Variants in THRB observed in about 807,000 individuals in gnomAD.
The protein encoded by THRB is thyroid hormone receptor beta.
THRB carries 12 observed loss-of-function variants against 47.8 expected under a neutral mutation model. That is an observed-to-expected ratio of 0.25 (90% CI 0.16 to 0.41). The LOEUF (loss-of-function observed/expected upper bound fraction) is 0.41. THRB is among the 10% of genes least tolerant of loss of function. The pLI is 1.00. For synonymous variants in THRB, 218 were observed against 212.2 expected (o/e 1.03, Z -0.24); for missense variants, 348 against 589.2 (o/e 0.59, Z 4.24).
chr3:24,398,714 C>A (rs2067164349), intron 1 of THRB, among the ~76,000 whole-genome samples: 1 of 152,092 alleles, frequency 6.6e-6, no homozygotes, highest in African/African-American at 2.4e-5. Context: ...TTGACCCAGC[C>A]ATCCCATTAC....
chr3:24,219,350 G>A (rs1245826861), intron 4 of THRB, among the ~76,000 whole-genome samples: 1 of 152,196 alleles, frequency 6.6e-6, no homozygotes, highest in African/African-American at 2.4e-5. Flanking sequence ...CAAATCATTT[G>A]TGGGACAGAG....
intron 1 of THRB, among the ~76,000 whole-genome samples, chr3:24,391,527 A>G (rs1460785488): frequency 6.6e-6 from 1 of 152,168 alleles, no homozygotes; most frequent in East Asian, 1.9e-4. Context: ...ATTGTTCAAA[A>G]TATTTTATTT....
chr3:24,335,725 G>C (rs911732935), intron 2 of THRB, among the ~76,000 whole-genome samples: 2 of 152,046 alleles, frequency 1.3e-5, no homozygotes, highest in Non-Finnish European at 1.5e-5. Context: ...TCCTTTTCTA[G>C]AACTACATAA....
At chr3:24,136,635 A>G (rs925635318) in intron 8 of THRB, among the ~76,000 whole-genome samples, 4 of 152,234 alleles carry the variant, frequency 2.6e-5, no homozygotes, top group Non-Finnish European at 4.4e-5. Context: ...ATATACACAT[A>G]TGTATTTATG....
rs1468809871 is a variant in THRB, at chr3:24,133,477, AAAG to A, written c.739-18_739-16del. 5 of 1,613,364 alleles carry A rather than the reference AAAG, an allele frequency of 3.1e-6. No homozygotes were observed. The highest frequency in any genetic ancestry group is 1.6e-4 in the Middle Eastern group (1 of 6,082). On this transcript the variant is annotated splice_polypyrimidine_tract_variant and intron_variant, in intron 8 of 10. Transcript: ENST00000646209. ...ATGTCTTCTGGCTAAGGAGGAGAAA[AAAG>A]AAAGATTTAAATGAAGAAGTTGAAG...
chr3:24,143,217 G>A (rs2035664915), intron 8 of THRB, among the ~76,000 whole-genome samples: 1 of 152,208 alleles, frequency 6.6e-6, no homozygotes, highest in South Asian at 2.1e-4. Flanking sequence ...TAGTTGGTCT[G>A]GGAGTGGTCT....
chr3:24,328,603 T>C (rs1425674338), intron 2 of THRB, among the ~76,000 whole-genome samples: 1 of 152,174 alleles, frequency 6.6e-6, no homozygotes. Flanking sequence ...CCACATTCTA[T>C]CAATCCCCAT....
At chr3:24,265,419 A>T (rs1473486300) in intron 3 of THRB, among the ~76,000 whole-genome samples, 1 of 152,208 alleles carries the variant, frequency 6.6e-6, no homozygotes, top group Non-Finnish European at 1.5e-5. Flanking sequence ...TTGATCAGAA[A>T]TCACATGATT....
At chr3:24,227,949 G>C (rs989821155) in intron 4 of THRB, among the ~76,000 whole-genome samples, 1 of 152,118 alleles carries the variant, frequency 6.6e-6, no homozygotes, top group Non-Finnish European at 1.5e-5. Context: ...GACATATTTC[G>C]ACTGAGCCAT....
chr3:24,176,922 CAG>C (rs1274548294), intron 5 of THRB, among the ~76,000 whole-genome samples: 3 of 152,218 alleles, frequency 2.0e-5, no homozygotes, highest in African/African-American at 7.2e-5. Context: ...ACACTTAAAA[CAG>C]GGGAATTTGA....
chr3:24,197,685 G>C (rs971461214), intron 4 of THRB, among the ~76,000 whole-genome samples: 1 of 152,144 alleles, frequency 6.6e-6, no homozygotes, highest in Non-Finnish European at 1.5e-5. Context: ...AGCACATACA[G>C]GTTTTTATTC....
intron 1 of THRB, among the ~76,000 whole-genome samples, chr3:24,465,461 G>A (rs899231083): frequency 1.3e-5 from 2 of 152,076 alleles, no homozygotes; most frequent in Non-Finnish European, 2.9e-5. Context: ...AGAGTGCAGT[G>A]GCATTATCTC....
intron 2 of THRB, among the ~76,000 whole-genome samples, chr3:24,332,194 C>T (rs960982379): frequency 7.9e-5 from 12 of 152,176 alleles, no homozygotes; most frequent in African/African-American, 2.9e-4. Context: ...TTTTCTACCC[C>T]TCCCCCATTG....
At chr3:24,366,309 T>C (rs929416990) in intron 1 of THRB, among the ~76,000 whole-genome samples, 9 of 152,134 alleles carry the variant, frequency 5.9e-5, no homozygotes, top group South Asian at 2.1e-4. Flanking sequence ...ATGGAGAGAA[T>C]TGCCAATCTT....
At chr3:24,398,981 A>G (rs1286745277) in intron 1 of THRB, among the ~76,000 whole-genome samples, 2 of 152,216 alleles carry the variant, frequency 1.3e-5, no homozygotes, top group Admixed American at 6.5e-5. Flanking sequence ...CGCAAGGACA[A>G]AAAACCAAAC....
At chr3:24,221,281 G>C (rs2047133798) in intron 4 of THRB, among the ~76,000 whole-genome samples, 3 of 152,140 alleles carry the variant, frequency 2.0e-5, no homozygotes, top group Admixed American at 2.0e-4. Flanking sequence ...TCTTTTGAAG[G>C]GATTTGCACC....
chr3:24,188,764 A>ACGTG (rs532143328), intron 5 of THRB, among the ~76,000 whole-genome samples: 1 of 150,566 alleles, frequency 6.6e-6, no homozygotes, highest in African/African-American at 2.5e-5. Flanking sequence ...ACGTGCACAC[A>ACGTG]CACACACACA....
At chr3:24,220,844 A>T (rs2047086991) in intron 4 of THRB, among the ~76,000 whole-genome samples, 1 of 152,052 alleles carries the variant, frequency 6.6e-6, no homozygotes, top group Non-Finnish European at 1.5e-5. Flanking sequence ...ATTTGAAGCC[A>T]TTTAACCCAC....
At chr3:24,127,427 C>A in intron 10 of THRB, 72 bp downstream of exon 10, 1 of 1,538,416 alleles carries the variant, frequency 6.5e-7, no homozygotes, top group African/African-American at 1.4e-5. Flanking sequence ...ACTGAAAACT[C>A]AAGTGATTGG....
Sources: allele counts gnomAD v4.1 joint callset (sites outside exome capture counted in the v4.1 genomes callset), GRCh38; gene constraint gnomAD v4.1.1; transcripts MANE v1.5; gene names NCBI Gene and HGNC (gene_info 2026-07-23, HGNC 2026-07-21).